The following FAM13A variants were observed in gnomAD, a reference collection of about 807,000 sequenced individuals.
FAM13A encodes the protein family with sequence similarity 13 member A.
FAM13A carries 76 observed loss-of-function variants against 129.6 expected under a neutral mutation model. The ratio of observed to expected loss-of-function variants is 0.59; its 90% confidence interval spans 0.49 to 0.71. FAM13A has a LOEUF of 0.71. FAM13A is among the 30% of genes least tolerant of loss of function. The pLI is 0.00. For synonymous variants in FAM13A, 443 were observed against 449.9 expected (o/e 0.98, Z 0.20); for missense variants, 1,108 against 1,249.3 (o/e 0.89, Z 1.70).
At chr4:88,731,645 G>T in intron 22 of FAM13A, 1 of 548,706 alleles carries the variant, frequency 1.8e-6, no homozygotes, top group Non-Finnish European at 3.2e-6. Flanking sequence ...CTGCTACTTG[G>T]GAATTCTTAG....
chr4:88,923,423 A>G (rs1174547382), intron 5 of FAM13A, among the ~76,000 whole-genome samples: 2 of 152,252 alleles, frequency 1.3e-5, no homozygotes, highest in Admixed American at 1.3e-4. Context: ...AATGTAATCC[A>G]GCATATAAAC....
chr4:88,951,024 C>T (rs776226856), intron 4 of FAM13A, among the ~76,000 whole-genome samples: 7 of 152,102 alleles, frequency 4.6e-5, no homozygotes, highest in Non-Finnish European at 1.5e-5. Flanking sequence ...GGTGTAAACC[C>T]GGTTGCTGGG....
chr4:88,757,879 A>T (rs1398144300), intron 14 of FAM13A, among the ~76,000 whole-genome samples: 4 of 152,156 alleles, frequency 2.6e-5, no homozygotes, highest in Non-Finnish European at 5.9e-5. Flanking sequence ...CTGAAACGGG[A>T]CTGATTTTTC....
intron 4 of FAM13A, among the ~76,000 whole-genome samples, chr4:88,987,807 A>C (rs1294187557): frequency 7.5e-6 from 1 of 132,464 alleles, no homozygotes; most frequent in Non-Finnish European, 1.5e-5. Context: ...GCGCCACTGC[A>C]CTCCAGCCTG....
intron 21 of FAM13A, among the ~76,000 whole-genome samples, chr4:88,734,072 C>T (rs1738454842): frequency 6.6e-6 from 1 of 152,142 alleles, no homozygotes; most frequent in Admixed American, 6.5e-5. Flanking sequence ...TGGGTAGATT[C>T]TAGAAGGAAT....
At chr4:88,963,280 TAA>T (rs1213326015) in intron 4 of FAM13A, among the ~76,000 whole-genome samples, 1 of 151,868 alleles carries the variant, frequency 6.6e-6, no homozygotes, top group Non-Finnish European at 1.5e-5. Flanking sequence ...GAGAGATTAC[TAA>T]GAGTTTCATT....
At chr4:88,972,546 C>G (rs1464444652) in intron 4 of FAM13A, among the ~76,000 whole-genome samples, 1 of 152,052 alleles carries the variant, frequency 6.6e-6, no homozygotes, top group African/African-American at 2.4e-5. Context: ...AGTGACCCAC[C>G]TACTTTGGCC....
At chr4:88,733,500 C>T (rs1738321393) in intron 21 of FAM13A, among the ~76,000 whole-genome samples, 1 of 152,136 alleles carries the variant, frequency 6.6e-6, no homozygotes, top group South Asian at 2.1e-4. Flanking sequence ...TAACAATTCC[C>T]ATCGACGTAG....
At chr4:88,999,131 G>A (rs916395669) in intron 3 of FAM13A, among the ~76,000 whole-genome samples, 6 of 152,088 alleles carry the variant, frequency 3.9e-5, no homozygotes, top group Non-Finnish European at 8.8e-5. Context: ...ATGTCCAAGA[G>A]CAAAGGCCTG....
chr4:88,878,865 AG>A, intron 6 of FAM13A, among the ~76,000 whole-genome samples: 1 of 152,258 alleles, frequency 6.6e-6, no homozygotes, highest in Admixed American at 6.5e-5. Flanking sequence ...GGAGCCTGAT[AG>A]TATGAAACTC....
rs760217534 is a variant in FAM13A at position 88,750,507 on chromosome 4, C to T, written c.1857G>A (p.Arg619=). The stretch of plus-strand genomic sequence containing the variant: ...GCCTGCTCTGCCCATAAGCGTAGAA[C>T]CGAGGAGAGAGCATGGGGTCGCTGT... The part of the protein sequence containing the change: ...DEDSDPMLSP[R]FYAYGQSRQY... The change falls in exon 15 of 24, where the codon CGG becomes CGA. Residue 619 remains arginine (R), a synonymous_variant. Coordinates refer to ENST00000264344, the MANE Select transcript of FAM13A (RefSeq NM_014883.4). 1.2e-6 allele frequency: 2 copies of T among 1,614,138 alleles called. No homozygotes were observed. Among genetic ancestry groups the T allele is most frequent in the Non-Finnish European group, 8.5e-7 (1 of 1,180,016 alleles).
At chr4:88,925,497 T>C (rs1374380068) in intron 5 of FAM13A, among the ~76,000 whole-genome samples, 1 of 139,508 alleles carries the variant, frequency 7.2e-6, no homozygotes, top group East Asian at 2.1e-4. Flanking sequence ...TAGGTGGGAA[T>C]TGAACAATGA....
Position 88,746,963 on chromosome 4 carries a change from A to C in FAM13A, c.2435T>G (p.Leu812Arg). ...TCCATGAATGCTTTCATAATATAAC[A>C]GAGCTTTCTGCAGAGCCACTTTCTC... ...ANEKVALQKALLYYESIHGRP... is the reference protein window; with the variant it reads ...ANEKVALQKARLYYESIHGRP... Residue 812 changes from leucine (L) to arginine (R), a missense_variant, in exon 19 of 24, where the codon CTG becomes CGG. Coordinates refer to ENST00000264344, the MANE Select transcript of FAM13A (RefSeq NM_014883.4). 1 of 1,613,782 alleles carries C rather than the reference A, an allele frequency of 6.2e-7. No individual in the cohort carries two copies. Among genetic ancestry groups the C allele is most frequent in the Non-Finnish European group, 8.5e-7 (1 of 1,179,656 alleles).
chr4:88,770,669 G>A (rs1720497561), intron 11 of FAM13A, among the ~76,000 whole-genome samples: 1 of 152,060 alleles, frequency 6.6e-6, no homozygotes, highest in South Asian at 2.1e-4. Context: ...TTTAGAAGAT[G>A]TTAGAAGATT....
intron 18 of FAM13A, among the ~76,000 whole-genome samples, chr4:88,747,394 A>G (rs1194659748): frequency 6.6e-6 from 1 of 152,222 alleles, no homozygotes; most frequent in Non-Finnish European, 1.5e-5. Context: ...CTATTAACCT[A>G]AACAAGTTCA....
Position 88,747,690 on chromosome 4 carries a change from A to G in FAM13A, c.2323T>C (p.Ser775Pro). 6.2e-7 allele frequency: 1 copy of G among 1,614,162 alleles called. No homozygotes were observed. The highest frequency in any genetic ancestry group is 8.5e-7 in the Non-Finnish European group (1 of 1,180,030). Residue 775 changes from serine (S) to proline (P), a missense_variant, in exon 18 of 24, where the codon TCT becomes CCT. Around this residue, in one of 3 missense-constraint regions of FAM13A, gnomAD observed 529 missense variants for 621.2 expected, o/e 0.85. Transcript: ENST00000264344. The part of the protein sequence containing the change: ...IKPSVEATLE[S>P]IQRKLQEKRA... ...TTCTCCTGGAGCTTCCTCTGAATAG[A>G]TTCCAATGTGGCTTCAACACTGGGC... is the stretch of plus-strand genomic sequence containing the variant.
rs753170243 is a variant in FAM13A, at chr4:88,750,397, G to A, written c.1940+27C>T. On this transcript the variant is annotated intron_variant, in intron 15 of 23. Coordinates refer to ENST00000264344, the MANE Select transcript of FAM13A (RefSeq NM_014883.4). ...CTGATGTTGTGGGGATGATGCATTT[G>A]TCTATCAGCAACACAGAGAAACATA... The A allele has an allele frequency of 1.0e-5, 16 of 1,559,934 alleles. No homozygotes were observed. The South Asian group carries it at 1.7e-4, about 16-fold the overall frequency.
Position 88,731,419 on chromosome 4 carries a change from G to A in FAM13A, c.2853C>T (p.Leu951=), listed in dbSNP as rs768086122. 7 of 1,592,860 alleles carry A rather than the reference G, an allele frequency of 4.4e-6. No homozygotes were observed. The highest frequency in any genetic ancestry group is 5.1e-6 in the Non-Finnish European group (6 of 1,170,608). The change falls in exon 23 of 24, where the codon CTC becomes CTT. Residue 951 remains leucine, a synonymous_variant. Transcript: ENST00000264344. ...SNLHAASIPE[L]LEHLQEMREE... is the part of the protein sequence containing the mutation. Reference sequence around the variant, plus strand: ...CTCTCATTTCCTGGAGGTGTTCCAGGAGTTCAGGTCTAAGAGAGAGGAAGC... The same window carrying A: ...CTCTCATTTCCTGGAGGTGTTCCAGAAGTTCAGGTCTAAGAGAGAGGAAGC...
intron 5 of FAM13A, among the ~76,000 whole-genome samples, chr4:88,925,626 T>C (rs888452770): frequency 6.6e-6 from 1 of 151,734 alleles, no homozygotes; most frequent in African/African-American, 2.4e-5. Context: ...CACACCAGCA[T>C]GGCACATGTA....
Sources: allele counts gnomAD v4.1 joint callset (sites outside exome capture counted in the v4.1 genomes callset), GRCh38; gene constraint gnomAD v4.1.1; regional missense constraint gnomAD v4.1.1; transcripts MANE v1.5; gene names NCBI Gene and HGNC (gene_info 2026-07-23, HGNC 2026-07-21).